The following GABRG3 variants were observed in gnomAD, a reference collection of about 807,000 sequenced individuals.
GABRG3 encodes the protein gamma-aminobutyric acid receptor subunit gamma-3.
A neutral mutation model predicts 48.8 loss-of-function variants in GABRG3; 25 were observed. The ratio of observed to expected loss-of-function variants is 0.51; its 90% confidence interval spans 0.37 to 0.72. GABRG3 has a LOEUF of 0.72. Among genes scored for constraint, GABRG3 ranks in the 30% least tolerant of loss-of-function variants. The pLI, the probability that GABRG3 is intolerant of heterozygous loss-of-function variation, is 0.00. For missense variants in GABRG3, 394 were observed against 577.9 expected (o/e 0.68, Z 3.26); for synonymous variants, 227 against 217.6 (o/e 1.04, Z -0.38).
chr15:27,270,087 A>G (rs1487484682), intron 3 of GABRG3, among the ~76,000 whole-genome samples: 1 of 152,226 alleles, frequency 6.6e-6, no homozygotes, highest in Non-Finnish European at 1.5e-5. Context: ...TCAGGAATAG[A>G]TAATGAGTGT....
chr15:27,539,664 G>C lies in GABRG3; in HGVS notation c.*6783G>C, dbSNP rs545384787. 1 of 152,210 alleles carries C rather than the reference G, an allele frequency of 6.6e-6. No individual in the cohort carries two copies. The highest frequency in any genetic ancestry group is 6.5e-5 in the Admixed American group (1 of 15,294). 9.4% of individuals were successfully genotyped at this position (152,210 alleles called of 1,614,324 possible). ...GAGTGAAGACCCCCCACTGCACAGA[G>C]CAGCACTTCTGTCACTCTCATGGGG... On this transcript the variant is annotated 3_prime_UTR_variant, in exon 10 of 10. Coordinates refer to ENST00000615808, the MANE Select transcript of GABRG3 (RefSeq NM_033223.5).
chr15:27,275,801 T>G (rs1191554131), intron 3 of GABRG3, among the ~76,000 whole-genome samples: 1 of 152,184 alleles, frequency 6.6e-6, no homozygotes, highest in Non-Finnish European at 1.5e-5. Context: ...AATGTAAACA[T>G]TAGCCCCTGA....
At chr15:27,252,212 G>A (rs1379503485) in intron 3 of GABRG3, among the ~76,000 whole-genome samples, 1 of 152,156 alleles carries the variant, frequency 6.6e-6, no homozygotes, top group Admixed American at 6.5e-5. Context: ...GGCTGGCCTG[G>A]CCTCCTCACC....
At chr15:27,273,473 C>T (rs1161484657) in intron 3 of GABRG3, among the ~76,000 whole-genome samples, 1 of 152,206 alleles carries the variant, frequency 6.6e-6, no homozygotes, top group African/African-American at 2.4e-5. Flanking sequence ...ACATGTTCTG[C>T]ATGGTTGAAA....
chr15:27,275,985 C>G (rs1211752662), intron 3 of GABRG3, among the ~76,000 whole-genome samples: 1 of 152,210 alleles, frequency 6.6e-6, no homozygotes, highest in Non-Finnish European at 1.5e-5. Context: ...GCACATCAGT[C>G]TCTGCATCTG....
At chr15:27,409,034 T>G (rs192013325) in intron 5 of GABRG3, among the ~76,000 whole-genome samples, 1 of 152,042 alleles carries the variant, frequency 6.6e-6, no homozygotes, top group East Asian at 1.9e-4. Flanking sequence ...TTCTGGTCCT[T>G]TTTTTTTCTA....
chr15:26,972,879 C>T (rs1004294259), intron 1 of GABRG3, among the ~76,000 whole-genome samples: 4 of 152,194 alleles, frequency 2.6e-5, no homozygotes, highest in Admixed American at 2.6e-4. Flanking sequence ...ACCGGTGACT[C>T]ACAGGCAACT....
chr15:27,462,941 A>G (rs562326726), intron 5 of GABRG3, among the ~76,000 whole-genome samples: 4 of 152,210 alleles, frequency 2.6e-5, no homozygotes, highest in Non-Finnish European at 4.4e-5. Context: ...TGTAAAACAC[A>G]TGGCAGGTAT....
intron 3 of GABRG3, among the ~76,000 whole-genome samples, chr15:27,210,253 C>G (rs1343296927): frequency 6.6e-6 from 1 of 152,190 alleles, no homozygotes; most frequent in African/African-American, 2.4e-5. Flanking sequence ...ACCTGTAACT[C>G]CTTTGGAACT....
intron 5 of GABRG3, among the ~76,000 whole-genome samples, chr15:27,377,912 G>A (rs568327851): frequency 1.6e-4 from 25 of 152,228 alleles, no homozygotes; most frequent in African/African-American, 6.0e-4. Flanking sequence ...CTCCTTTGAG[G>A]CTTTTGTGCT....
At chr15:27,473,734 G>A (rs2150841624) in intron 5 of GABRG3, among the ~76,000 whole-genome samples, 1 of 152,266 alleles carries the variant, frequency 6.6e-6, no homozygotes, top group East Asian at 1.9e-4. Context: ...GACTAGAACT[G>A]TGATTTCTCT....
chr15:27,056,685 C>CA (rs1367259960), intron 3 of GABRG3, among the ~76,000 whole-genome samples: 1 of 152,122 alleles, frequency 6.6e-6, no homozygotes, highest in Non-Finnish European at 1.5e-5. Flanking sequence ...CAAGACCCCC[C>CA]ACGGTGGCTT....
chr15:27,472,802 A>G (rs1015452617), intron 5 of GABRG3, among the ~76,000 whole-genome samples: 2 of 152,166 alleles, frequency 1.3e-5, no homozygotes, highest in African/African-American at 2.4e-5. Flanking sequence ...CTCTACATAT[A>G]TACATATGTA....
intron 3 of GABRG3, among the ~76,000 whole-genome samples, chr15:27,199,025 T>C (rs1888597919): frequency 6.6e-6 from 1 of 152,054 alleles, no homozygotes; most frequent in Admixed American, 6.6e-5. Context: ...GGGATAGCAT[T>C]AGGAGAAATA....
chr15:27,020,114 G>A (rs528584268), intron 2 of GABRG3, among the ~76,000 whole-genome samples: 4 of 152,198 alleles, frequency 2.6e-5, no homozygotes, highest in African/African-American at 9.6e-5. Context: ...TTCCACGTAG[G>A]GGAACTGAGG....
At chr15:27,401,662 A>G (rs1027701667) in intron 5 of GABRG3, among the ~76,000 whole-genome samples, 1 of 152,152 alleles carries the variant, frequency 6.6e-6, no homozygotes, top group African/African-American at 2.4e-5. Context: ...ACCTTCTTCC[A>G]TGCTCTCGCG....
chr15:27,287,526 A>G (rs1168219510), intron 3 of GABRG3, among the ~76,000 whole-genome samples: 1 of 152,182 alleles, frequency 6.6e-6, no homozygotes, highest in Non-Finnish European at 1.5e-5. Context: ...ATTACTTTGG[A>G]GCATAATGTG....
chr15:27,267,102 C>CTTTTTT (rs57772496), intron 3 of GABRG3, among the ~76,000 whole-genome samples: 2 of 112,854 alleles, frequency 1.8e-5, no homozygotes, highest in African/African-American at 6.6e-5. Flanking sequence ...TAGTCTTTTA[C>CTTTTTT]TTTTTTTTTT....
chr15:27,363,961 A>G (rs1252748979), intron 5 of GABRG3: 1 of 152,080 alleles, frequency 6.6e-6, no homozygotes, highest in Non-Finnish European at 1.5e-5. Flanking sequence ...GGAGTGTGAG[A>G]TCTGATGGAC....
Sources: gnomAD v4.1 joint callset for allele counts (sites outside exome capture counted in the v4.1 genomes callset) on GRCh38, gnomAD v4.1.1 for gene constraint, MANE v1.5 for transcripts, NCBI Gene and HGNC (gene_info 2026-07-23, HGNC 2026-07-21) for gene names.